The following PHACTR4 variants were observed in gnomAD, a reference collection of about 807,000 sequenced individuals.
PHACTR4 encodes the protein phosphatase and actin regulator 4.
Under a neutral mutation model 72.7 loss-of-function variants are expected in PHACTR4, and 51 were observed. The observed-to-expected ratio is 0.70, with a 90% CI of 0.56 to 0.89. The LOEUF is 0.89. Ranked by LOEUF, PHACTR4 falls within the 40% of genes least tolerant of loss-of-function variation. The probability of loss-of-function intolerance (pLI) is 0.00; values close to 1 mark genes in which losing one functional copy is unlikely to be tolerated. For synonymous variants in PHACTR4, 255 were observed against 302.5 expected (o/e 0.84, Z 1.63); for missense variants, 731 against 861.8 (o/e 0.85, Z 1.90).
intron 1 of PHACTR4, among the ~76,000 whole-genome samples, chr1:28,387,845 A>G (rs1652682957): frequency 6.6e-6 from 1 of 151,850 alleles, no homozygotes; most frequent in South Asian, 2.1e-4. Flanking sequence ...CTCCTGCCTC[A>G]GCCTCCTGGG....
intron 2 of PHACTR4, among the ~76,000 whole-genome samples, chr1:28,422,260 A>G (rs572324389): frequency 6.6e-6 from 1 of 152,232 alleles, no homozygotes; most frequent in Non-Finnish European, 1.5e-5. Flanking sequence ...CCAACCACAG[A>G]TTGAAAATGC....
intron 1 of PHACTR4, among the ~76,000 whole-genome samples, chr1:28,377,780 G>A (rs1174315236): frequency 6.7e-6 from 1 of 150,350 alleles, no homozygotes; most frequent in East Asian, 2.0e-4. Flanking sequence ...GCAGTGAGCC[G>A]TAATTGCGCC....
rs1661578626 is a variant in PHACTR4 at position 28,500,086 on chromosome 1, G to A, written c.*3537G>A. 6.6e-6 allele frequency: 1 copy of A among 152,112 alleles called. No individual in the cohort carries two copies. Among genetic ancestry groups the A allele is most frequent in the Admixed American group, 6.6e-5 (1 of 15,250 alleles). The allele number at this position is 152,112 out of a possible 1,614,324, so 9.4% of individuals were successfully genotyped here. On this transcript the variant is annotated 3_prime_UTR_variant, in exon 14 of 14. Coordinates refer to ENST00000373839, the MANE Select transcript of PHACTR4 (RefSeq NM_001048183.3). ...CTGGTTCATCTTTCGTCTCATTCAT[G>A]TTATTTTCAAGTGAAACAAGACATT...
At chr1:28,470,107 T>G (rs981710465) in intron 6 of PHACTR4, among the ~76,000 whole-genome samples, 8 of 148,972 alleles carry the variant, frequency 5.4e-5, no homozygotes, top group African/African-American at 2.0e-4. Flanking sequence ...CATTACAAAA[T>G]TAGGCCAGGC....
chr1:28,438,566 A>G, intron 2 of PHACTR4: 3 of 951,162 alleles, frequency 3.2e-6, no homozygotes, highest in Non-Finnish European at 4.6e-6. Flanking sequence ...GTTTGTGAAG[A>G]ATGAATGAAG....
intron 9 of PHACTR4, among the ~76,000 whole-genome samples, chr1:28,488,678 C>T (rs2124548832): frequency 6.6e-6 from 1 of 151,526 alleles, no homozygotes; most frequent in Non-Finnish European, 1.5e-5. Flanking sequence ...GCATCTGAGT[C>T]ATAGAAGAAG....
chr1:28,451,850 G>A (rs1270366174), intron 2 of PHACTR4, among the ~76,000 whole-genome samples: 2 of 151,626 alleles, frequency 1.3e-5, no homozygotes, highest in Non-Finnish European at 2.9e-5. Context: ...TGTTGCTCAA[G>A]CTGATCTTAA....
At chr1:28,484,565 ATG>A (rs1283584278) in intron 9 of PHACTR4, among the ~76,000 whole-genome samples, 1 of 151,370 alleles carries the variant, frequency 6.6e-6, no homozygotes, top group Non-Finnish European at 1.5e-5. Flanking sequence ...TGTAATATAT[ATG>A]TGTGTATGTA....
At chr1:28,476,058 T>TTA in intron 7 of PHACTR4, 49 bp from the exon 8 acceptor site, 1 of 1,529,950 alleles carries the variant, frequency 6.5e-7, no homozygotes, top group Non-Finnish European at 8.8e-7. Context: ...TAAAAGTCAG[T>TTA]TATCCTCTTC....
At chr1:28,385,477 A>T in intron 1 of PHACTR4, among the ~76,000 whole-genome samples, 1 of 138,932 alleles carries the variant, frequency 7.2e-6, no homozygotes, top group African/African-American at 2.7e-5. Flanking sequence ...CTGGAGGCGG[A>T]GGTTGCAGTG....
At chr1:28,401,995 T>A (rs970013302) in intron 1 of PHACTR4, among the ~76,000 whole-genome samples, 3 of 152,200 alleles carry the variant, frequency 2.0e-5, no homozygotes, top group Non-Finnish European at 4.4e-5. Flanking sequence ...TTGATTGTAC[T>A]AGTCTAGCAA....
chr1:28,420,054 G>C (rs544059926), intron 2 of PHACTR4, among the ~76,000 whole-genome samples: 2 of 152,226 alleles, frequency 1.3e-5, no homozygotes, highest in South Asian at 4.1e-4. Flanking sequence ...AATCGTCTGA[G>C]CGCAGCCTGA....
intron 4 of PHACTR4, among the ~76,000 whole-genome samples, chr1:28,462,927 C>T (rs966799573): frequency 1.3e-5 from 2 of 152,112 alleles, no homozygotes; most frequent in African/African-American, 2.4e-5. Context: ...TGGCCTGGCG[C>T]GGTGGCTCAT....
At position 28,389,301 on chromosome 1, in the gene PHACTR4, A is replaced by G. The variant is rs571208024; in HGVS notation, c.-38-18109A>G. Among the ~76,000 whole-genome samples the G allele has an allele frequency of 3.9e-5, 6 of 152,224 alleles. No individual in the cohort carries two copies. The South Asian group carries it at 1.2e-3, about 32-fold the overall frequency. ...ATGCAAATTAAAACCACAATGAGAT[A>G]TTACCTCACACCGTGTTAGAATGGT... On this transcript the variant is annotated intron_variant, in intron 1 of 13. Coordinates refer to ENST00000373839, the MANE Select transcript of PHACTR4 (RefSeq NM_001048183.3).
chr1:28,399,390 C>G (rs924370685), intron 1 of PHACTR4, among the ~76,000 whole-genome samples: 1 of 152,112 alleles, frequency 6.6e-6, no homozygotes, highest in Non-Finnish European at 1.5e-5. Flanking sequence ...TTTAGTATGT[C>G]TCTACTGTTA....
intron 1 of PHACTR4, among the ~76,000 whole-genome samples, chr1:28,395,935 A>G: frequency 7.2e-6 from 1 of 139,288 alleles, no homozygotes; most frequent in South Asian, 2.2e-4. Flanking sequence ...AAGTGCTGGG[A>G]TTACAGGCGT....
chr1:28,459,273 G>A lies in PHACTR4; in HGVS notation c.190+15G>A. On this transcript the variant is annotated intron_variant, in intron 3 of 13. Transcript: ENST00000373839. The stretch of plus-strand genomic sequence containing the variant: ...GACTTCAGAAGGTGAGATATTAAGG[G>A]TTAAATGTGTGTTCTGAGTTAGAAT... 1 of 1,602,166 alleles carries A rather than the reference G, an allele frequency of 6.2e-7. No homozygotes were observed. The highest frequency in any genetic ancestry group is 8.5e-7 in the Non-Finnish European group (1 of 1,171,146).
intron 2 of PHACTR4, among the ~76,000 whole-genome samples, chr1:28,411,478 C>G (rs758053507): frequency 6.6e-6 from 1 of 152,132 alleles, no homozygotes; most frequent in Non-Finnish European, 1.5e-5. Context: ...ATTTTTCCTT[C>G]TAAATGTTAT....
intron 3 of PHACTR4, among the ~76,000 whole-genome samples, chr1:28,459,639 C>T (rs1383793927): frequency 3.3e-5 from 5 of 151,780 alleles, no homozygotes; most frequent in South Asian, 2.1e-4. Flanking sequence ...TGGGCTCAAG[C>T]GATCCTCCCA....
Sources: gnomAD v4.1 joint callset for allele counts (sites outside exome capture counted in the v4.1 genomes callset) on GRCh38, gnomAD v4.1.1 for gene constraint, MANE v1.5 for transcripts, NCBI Gene and HGNC (gene_info 2026-07-23, HGNC 2026-07-21) for gene names.